The following KALRN variants were observed in gnomAD, a reference collection of about 807,000 sequenced individuals.
KALRN encodes kalirin.
KALRN carries 70 observed loss-of-function variants against 353.7 expected under a neutral mutation model. The observed-to-expected ratio is 0.20, with a 90% CI of 0.16 to 0.24. KALRN has a LOEUF of 0.24. KALRN is among the 10% of genes least tolerant of loss of function. KALRN has a pLI of 1.00. For missense variants in KALRN, 2,791 were observed against 3,756.7 expected, an observed-to-expected ratio of 0.74 and a Z score of 6.72; for synonymous variants, 1,391 against 1,434.8, an observed-to-expected ratio of 0.97 and a Z score of 0.69.
At position 124,152,581 on chromosome 3, in the gene KALRN, C is replaced by CTTTG. The variant is rs1560091110; in HGVS notation, c.74-75406_74-75405insGTTT. 19 of 580,468 alleles carry CTTTG rather than the reference C, an allele frequency of 3.3e-5. 1 individual carries two copies. In the African/African-American group the frequency reaches 4.6e-4, roughly 14 times the overall value. The allele number at this position is 580,468 out of a possible 1,614,324, so 36.0% of individuals were successfully genotyped here. A position where few individuals can be genotyped will look rare whatever the true frequency, so the allele number is the denominator to read the frequency against. On this transcript the variant is annotated intron_variant, in intron 1 of 59. Coordinates refer to ENST00000682506, the MANE Select transcript of KALRN (RefSeq NM_001388419.1). Reference sequence around the variant, plus strand: ...TCTTTTCTTTTCTTTTCTTTTCTTTCTTTCTTTCTTTCTTTTTTTTTTTTT... The same window carrying CTTTG: ...TCTTTTCTTTTCTTTTCTTTTCTTTCTTTGTTTCTTTCTTTCTTTTTTTTTTTTT...
At chr3:124,034,251 G>A (rs895610255) in intron 1 of KALRN, among the ~76,000 whole-genome samples, 4 of 152,174 alleles carry the variant, frequency 2.6e-5, no homozygotes, top group Admixed American at 6.5e-5. Context: ...GCCGTCGGGG[G>A]CCCGGGGCCC....
intron 37 of KALRN, among the ~76,000 whole-genome samples, chr3:124,642,134 A>G (rs1204417133): frequency 6.6e-6 from 1 of 152,062 alleles, no homozygotes; most frequent in Non-Finnish European, 1.5e-5. Context: ...TACAAAAGAA[A>G]TTAGATGGGC....
intron 1 of KALRN, among the ~76,000 whole-genome samples, chr3:124,105,994 C>A (rs987241341): frequency 6.6e-6 from 1 of 152,318 alleles, no homozygotes; most frequent in South Asian, 2.1e-4. Flanking sequence ...TGGAATATAA[C>A]ATGAATAAGG....
chr3:124,094,960 G>C, intron 1 of KALRN: 1 of 1,451,464 alleles, frequency 6.9e-7, no homozygotes, highest in Non-Finnish European at 9.7e-7. Context: ...AATACACATA[G>C]AGACATAAAG....
At chr3:124,065,174 C>T (rs1421665454) in intron 1 of KALRN, among the ~76,000 whole-genome samples, 2 of 152,080 alleles carry the variant, frequency 1.3e-5, no homozygotes, top group Non-Finnish European at 2.9e-5. Context: ...TTTTCAAAGA[C>T]TAAGAAGGAA....
At chr3:124,392,908 G>C (rs1179846773) in intron 11 of KALRN, among the ~76,000 whole-genome samples, 2 of 150,814 alleles carry the variant, frequency 1.3e-5, no homozygotes, top group Non-Finnish European at 2.9e-5. Flanking sequence ...TCTAGCATTA[G>C]GTATATCTCC....
At chr3:124,158,125 C>G (rs1462234212) in intron 1 of KALRN, among the ~76,000 whole-genome samples, 5 of 152,202 alleles carry the variant, frequency 3.3e-5, no homozygotes, top group African/African-American at 1.2e-4. Context: ...CCGTCACACT[C>G]AGGGTTTGTT....
At chr3:124,110,834 G>A (rs2062892530) in intron 1 of KALRN, among the ~76,000 whole-genome samples, 1 of 152,168 alleles carries the variant, frequency 6.6e-6, no homozygotes, top group African/African-American at 2.4e-5. Flanking sequence ...GCCTAGCTTA[G>A]AGTGAATGTT....
chr3:124,632,232 A>G (rs541552946), intron 34 of KALRN, among the ~76,000 whole-genome samples, 188 bp from the exon 35 acceptor site: 2 of 152,192 alleles, frequency 1.3e-5, no homozygotes, highest in South Asian at 2.1e-4. Flanking sequence ...GGTGCTTCAT[A>G]CTTTAAAAAT....
At chr3:124,599,288 A>G (rs35086798) in intron 34 of KALRN, among the ~76,000 whole-genome samples, 23,522 of 152,128 alleles carry the variant, frequency 0.15, 1,952 homozygotes, top group Middle Eastern at 0.19. Context: ...CCTTGCTTGA[A>G]GCCGACTTGC....
intron 1 of KALRN, among the ~76,000 whole-genome samples, chr3:124,054,461 C>A (rs1361701440): frequency 6.6e-6 from 1 of 152,138 alleles, no homozygotes; most frequent in Non-Finnish European, 1.5e-5. Context: ...GGCTGCTATG[C>A]AAACTTCACA....
chr3:124,581,052 G>A (rs2074584232), intron 34 of KALRN, among the ~76,000 whole-genome samples: 1 of 152,118 alleles, frequency 6.6e-6, no homozygotes, highest in African/African-American at 2.4e-5. Context: ...ATGGCAATGG[G>A]ACTCTTGGGT....
chr3:124,501,495 G>A (rs1338282852), intron 33 of KALRN, among the ~76,000 whole-genome samples: 1 of 152,212 alleles, frequency 6.6e-6, no homozygotes, highest in Non-Finnish European at 1.5e-5. Context: ...GAGATGGTAA[G>A]GGTCCAACTA....
intron 5 of KALRN, among the ~76,000 whole-genome samples, chr3:124,278,100 G>A (rs1167392211): frequency 6.6e-6 from 1 of 151,630 alleles, no homozygotes; most frequent in Non-Finnish European, 1.5e-5. Context: ...CTGTGTGACA[G>A]GCCTTCTGTT....
At chr3:124,598,862 G>A (rs1218184687) in intron 34 of KALRN, among the ~76,000 whole-genome samples, 2 of 152,156 alleles carry the variant, frequency 1.3e-5, no homozygotes, top group East Asian at 1.9e-4. Context: ...ATTTAATAGA[G>A]ACAAGGTCTT....
intron 1 of KALRN, among the ~76,000 whole-genome samples, chr3:124,138,649 A>G (rs1208834467): frequency 1.3e-5 from 2 of 152,048 alleles, no homozygotes; most frequent in Non-Finnish European, 2.9e-5. Flanking sequence ...TTCCTTATGT[A>G]TTCTCCTCCT....
chr3:124,578,424 G>A (rs1350872346), intron 34 of KALRN, among the ~76,000 whole-genome samples: 1 of 152,208 alleles, frequency 6.6e-6, no homozygotes, highest in African/African-American at 2.4e-5. Flanking sequence ...AGGGAGCATG[G>A]CAGGCAGTGG....
intron 34 of KALRN, among the ~76,000 whole-genome samples, chr3:124,615,026 A>G (rs183532463): frequency 4.6e-5 from 7 of 152,390 alleles, no homozygotes; most frequent in African/African-American, 1.7e-4. Context: ...TTTGTCACAT[A>G]TATGACCAGG....
At chr3:124,210,309 C>G (rs1321404009) in intron 1 of KALRN, among the ~76,000 whole-genome samples, 1 of 152,190 alleles carries the variant, frequency 6.6e-6, no homozygotes, top group Non-Finnish European at 1.5e-5. Flanking sequence ...TTTGCCATCT[C>G]TGAAATCAGG....
Sources: allele counts gnomAD v4.1 joint callset (sites outside exome capture counted in the v4.1 genomes callset), GRCh38; gene constraint gnomAD v4.1.1; transcripts MANE v1.5; gene names NCBI Gene and HGNC (gene_info 2026-07-23, HGNC 2026-07-21).